The following CCDC148 variants were observed in gnomAD, a reference collection of about 807,000 sequenced individuals.
CCDC148 encodes coiled-coil domain-containing protein 148.
Under a neutral mutation model 85.7 loss-of-function variants are expected in CCDC148, and 89 were observed. That is an observed-to-expected ratio of 1.04 (90% CI 0.87 to 1.24). The LOEUF is 1.24. CCDC148 is among the 50% of genes most tolerant of loss of function. CCDC148 has a pLI of 0.00. For missense variants in CCDC148, 692 were observed against 671.7 expected, an observed-to-expected ratio of 1.03 and a Z score of -0.33; for synonymous variants, 230 against 213.9, an observed-to-expected ratio of 1.08 and a Z score of -0.66.
chr2:158,193,477 C>T (rs556166944), intron 11 of CCDC148, among the ~76,000 whole-genome samples: 16 of 152,048 alleles, frequency 1.1e-4, no homozygotes, highest in Admixed American at 2.6e-4. Flanking sequence ...CAAAAGCTCA[C>T]AGTATTTTTT....
chr2:158,274,227 C>T (rs1217049644), intron 9 of CCDC148, among the ~76,000 whole-genome samples: 2 of 152,204 alleles, frequency 1.3e-5, no homozygotes, highest in Admixed American at 1.3e-4. Context: ...GTTAGATATG[C>T]AGTCTCAGGC....
chr2:158,432,600 C>T (rs1687405170), intron 1 of CCDC148, among the ~76,000 whole-genome samples: 1 of 152,148 alleles, frequency 6.6e-6, no homozygotes. Flanking sequence ...TTATTAACAA[C>T]TCCCTCAAAG....
chr2:158,368,425 A>C (rs1684292487), intron 1 of CCDC148, among the ~76,000 whole-genome samples: 1 of 152,136 alleles, frequency 6.6e-6, no homozygotes, highest in Non-Finnish European at 1.5e-5. Flanking sequence ...GAGAAATTCA[A>C]AGTGGCCACA....
At chr2:158,347,596 C>G (rs900585963) in intron 2 of CCDC148, among the ~76,000 whole-genome samples, 1 of 152,024 alleles carries the variant, frequency 6.6e-6, no homozygotes, top group African/African-American at 2.4e-5. Flanking sequence ...GTGCAGAATG[C>G]TGACGATTCA....
chr2:158,188,079 T>C (rs1685238279), intron 11 of CCDC148, among the ~76,000 whole-genome samples: 1 of 151,974 alleles, frequency 6.6e-6, no homozygotes, highest in African/African-American at 2.4e-5. Context: ...GATGAGCCAC[T>C]ATGGTACCCT....
At chr2:158,445,542 T>C (rs1688123583) in intron 1 of CCDC148, among the ~76,000 whole-genome samples, 1 of 152,172 alleles carries the variant, frequency 6.6e-6, no homozygotes, top group African/African-American at 2.4e-5. Flanking sequence ...GATTAAAATA[T>C]AGTCTTTCAA....
At chr2:158,252,336 G>A (rs530341455) in intron 9 of CCDC148, among the ~76,000 whole-genome samples, 1 of 151,708 alleles carries the variant, frequency 6.6e-6, no homozygotes, top group East Asian at 1.9e-4. Context: ...CCCACCTACT[G>A]CTTATCCTGT....
intron 11 of CCDC148, among the ~76,000 whole-genome samples, chr2:158,207,046 C>T (rs1443008712): frequency 3.9e-5 from 6 of 152,176 alleles, no homozygotes; most frequent in Admixed American, 1.3e-4. Flanking sequence ...AATACTTTAT[C>T]GACCACTTTC....
At chr2:158,188,555 A>G (rs1242397309) in intron 11 of CCDC148, among the ~76,000 whole-genome samples, 2 of 151,996 alleles carry the variant, frequency 1.3e-5, no homozygotes, top group Admixed American at 1.3e-4. Flanking sequence ...GAAGAACAAA[A>G]CTGGACCCCT....
intron 1 of CCDC148, among the ~76,000 whole-genome samples, chr2:158,387,175 C>T (rs1210230891): frequency 6.6e-6 from 1 of 151,986 alleles, no homozygotes; most frequent in Non-Finnish European, 1.5e-5. Context: ...TGGAGAATGG[C>T]ATTAGAAGGC....
chr2:158,400,506 T>A (rs769739818), intron 1 of CCDC148, among the ~76,000 whole-genome samples: 4 of 152,200 alleles, frequency 2.6e-5, no homozygotes, highest in South Asian at 2.1e-4. Flanking sequence ...GCTAACCATA[T>A]GCAGAAAGCT....
At chr2:158,238,602 T>C (rs907405495) in intron 10 of CCDC148, among the ~76,000 whole-genome samples, 2 of 152,176 alleles carry the variant, frequency 1.3e-5, no homozygotes, top group African/African-American at 4.8e-5. Context: ...TGTAAGTGTT[T>C]ACACATCATA....
intron 1 of CCDC148, among the ~76,000 whole-genome samples, chr2:158,431,332 T>C (rs6752807): frequency 0.86 from 129,892 of 151,652 alleles, 57,297 homozygotes; most frequent in Non-Finnish European, 0.96. Context: ...TCTTAAAAAC[T>C]TCTAGTGATG....
chr2:158,175,883 C>T (rs1031656369), intron 13 of CCDC148, among the ~76,000 whole-genome samples: 16 of 151,954 alleles, frequency 1.1e-4, no homozygotes, highest in African/African-American at 3.9e-4. Context: ...TCCATCCATC[C>T]ATCCATTCAT....
chr2:158,367,198 A>G (rs1684242632), intron 1 of CCDC148, among the ~76,000 whole-genome samples: 1 of 152,200 alleles, frequency 6.6e-6, no homozygotes, highest in South Asian at 2.1e-4. Flanking sequence ...TTCCACACCC[A>G]AAGATAATCA....
intron 1 of CCDC148, among the ~76,000 whole-genome samples, chr2:158,363,379 C>G (rs1487131759): frequency 6.6e-6 from 1 of 152,088 alleles, no homozygotes; most frequent in East Asian, 1.9e-4. Context: ...AATTTCAGGC[C>G]AATATCCCTG....
rs80120389 is a variant in CCDC148, at chr2:158,234,368, C to T, written c.1252-13655G>A. Among the ~76,000 whole-genome samples the T allele has an allele frequency of 3.4e-3, 516 of 152,222 alleles. 3 individuals carry two copies. The highest frequency in any genetic ancestry group is 0.012 in the African/African-American group (503 of 41,530). On this transcript the variant is annotated intron_variant, in intron 10 of 13. Coordinates refer to ENST00000283233, the MANE Select transcript of CCDC148 (RefSeq NM_138803.4). ...TTCAGTCTGCAATTAAAACTGTTTG[C>T]GTTTCAGCTACTTATCAGTGCCTTA...
intron 1 of CCDC148, among the ~76,000 whole-genome samples, chr2:158,364,910 C>T (rs1684130334): frequency 6.6e-6 from 1 of 152,104 alleles, no homozygotes; most frequent in Non-Finnish European, 1.5e-5. Context: ...TGCAATTTAT[C>T]CATCTGACAA....
intron 1 of CCDC148, among the ~76,000 whole-genome samples, chr2:158,431,766 C>A (rs998020301): frequency 1.3e-5 from 2 of 151,970 alleles, no homozygotes; most frequent in African/African-American, 4.8e-5. Context: ...TGGTGAAACA[C>A]TTCCTACTAA....
Sources: allele counts gnomAD v4.1 joint callset (sites outside exome capture counted in the v4.1 genomes callset), GRCh38; gene constraint gnomAD v4.1.1; transcripts MANE v1.5; gene names NCBI Gene and HGNC (gene_info 2026-07-23, HGNC 2026-07-21).